Variants in MYO3A observed in about 807,000 individuals in gnomAD.
The protein encoded by MYO3A is myosin IIIA.
A neutral mutation model predicts 192.7 loss-of-function variants in MYO3A; 180 were observed. The ratio of observed to expected loss-of-function variants is 0.93; its 90% CI spans 0.83 to 1.06. The LOEUF (loss-of-function observed/expected upper bound fraction) is 1.06. Among genes scored for constraint, MYO3A ranks in the 50% least tolerant of loss-of-function variants. The probability of loss-of-function intolerance (pLI) is 0.00; values close to 1 mark genes in which losing one functional copy is unlikely to be tolerated. For missense variants in MYO3A, 1,896 were observed against 1,905.0 expected (o/e 1.00, Z 0.09); for synonymous variants, 628 against 645.3 (o/e 0.97, Z 0.41).
chr10:25,940,514 C>A (rs1048644133), intron 2 of MYO3A, among the ~76,000 whole-genome samples: 5 of 152,020 alleles, frequency 3.3e-5, no homozygotes, highest in Admixed American at 6.6e-5. Context: ...ATTATTGTAT[C>A]CTACAATTAT....
rs147188898 is a variant in MYO3A at position 26,099,019 on chromosome 10, T to G, written c.1776+2337T>G. On this transcript the variant is annotated intron_variant, in intron 17 of 34. Coordinates refer to ENST00000642920, the MANE Select transcript of MYO3A (RefSeq NM_017433.5). The stretch of plus-strand genomic sequence containing the variant: ...ACCTTGAGCAATATGGCCATTTTCA[T>G]GATATTGATTCTTCCTATCCATGAG... Among the ~76,000 whole-genome samples, 659 of 152,320 alleles carry G rather than the reference T, an allele frequency of 4.3e-3. 4 individuals are homozygous for G. The highest frequency in any genetic ancestry group is 0.015 in the African/African-American group (628 of 41,566).
chr10:25,977,836 A>G (rs1839052096), intron 4 of MYO3A, among the ~76,000 whole-genome samples: 2 of 152,268 alleles, frequency 1.3e-5, no homozygotes, highest in Non-Finnish European at 1.5e-5. Flanking sequence ...TTTGTCCACC[A>G]TCTCACTTCC....
chr10:25,995,098 AG>A (rs201098452), intron 4 of MYO3A, among the ~76,000 whole-genome samples: 9,712 of 152,256 alleles, frequency 0.064, 396 homozygotes, highest in Non-Finnish European at 0.094. Flanking sequence ...AATATCCTAA[AG>A]AGTGTTTTCC....
intron 17 of MYO3A, among the ~76,000 whole-genome samples, chr10:26,113,832 T>C (rs1371267555): frequency 1.3e-5 from 2 of 152,220 alleles, no homozygotes; most frequent in Non-Finnish European, 2.9e-5. Context: ...AAGGGATAAT[T>C]AATTTCTGAA....
chr10:26,188,971 G>A (rs1842993928), intron 31 of MYO3A, among the ~76,000 whole-genome samples: 1 of 152,100 alleles, frequency 6.6e-6, no homozygotes. Flanking sequence ...GGCAATGTGG[G>A]CTCTTTTTTG....
At chr10:26,121,959 G>A (rs1202517130) in intron 18 of MYO3A, among the ~76,000 whole-genome samples, 4 of 152,292 alleles carry the variant, frequency 2.6e-5, no homozygotes, top group South Asian at 4.1e-4. Flanking sequence ...TAGCACAAGT[G>A]TATGGAATTG....
chr10:26,004,108 G>C (rs961833745), intron 6 of MYO3A, among the ~76,000 whole-genome samples: 5 of 152,158 alleles, frequency 3.3e-5, no homozygotes, highest in African/African-American at 1.2e-4. Context: ...AGCTCAGTAG[G>C]CAGTTTGGAG....
intron 31 of MYO3A, among the ~76,000 whole-genome samples, chr10:26,188,193 G>A (rs561981464): frequency 6.0e-4 from 92 of 152,278 alleles, no homozygotes; most frequent in Non-Finnish European, 8.4e-4. Context: ...TCTAACTGGC[G>A]TGAGGTGGTA....
chr10:25,958,936 A>C (rs1837737290), intron 4 of MYO3A, among the ~76,000 whole-genome samples: 1 of 151,294 alleles, frequency 6.6e-6, no homozygotes, highest in African/African-American at 2.4e-5. Context: ...GGCAATTTTA[A>C]GTGGGATTGT....
chr10:25,956,499 T>C (rs920986815), intron 4 of MYO3A, among the ~76,000 whole-genome samples: 3 of 149,298 alleles, frequency 2.0e-5, no homozygotes, highest in Non-Finnish European at 4.5e-5. Flanking sequence ...AGCTAAATTT[T>C]TTTTTTTTTT....
chr10:26,059,151 T>C (rs1198358639), intron 10 of MYO3A, among the ~76,000 whole-genome samples: 1 of 152,190 alleles, frequency 6.6e-6, no homozygotes, highest in Non-Finnish European at 1.5e-5. Flanking sequence ...GTTTTATTTC[T>C]TTCTTCTCTA....
intron 31 of MYO3A, among the ~76,000 whole-genome samples, chr10:26,182,122 C>G (rs572597842): frequency 4.8e-4 from 73 of 152,306 alleles, no homozygotes; most frequent in African/African-American, 1.7e-3. Context: ...GTCTAGGGTT[C>G]TAGAAGAGTT....
At chr10:26,006,941 T>C (rs1384321672) in intron 6 of MYO3A, among the ~76,000 whole-genome samples, 4 of 149,668 alleles carry the variant, frequency 2.7e-5, no homozygotes, top group Non-Finnish European at 4.4e-5. Flanking sequence ...AAGAGAATTT[T>C]AGACCAATAT....
At chr10:26,194,277 C>T (rs1217015705) in intron 32 of MYO3A, among the ~76,000 whole-genome samples, 1 of 152,166 alleles carries the variant, frequency 6.6e-6, no homozygotes, top group African/African-American at 2.4e-5. Flanking sequence ...CTTTTAATGG[C>T]TCAGCAACTC....
At chr10:26,007,274 C>A (rs1274375105) in intron 6 of MYO3A, among the ~76,000 whole-genome samples, 3 of 150,894 alleles carry the variant, frequency 2.0e-5, no homozygotes, top group Middle Eastern at 6.8e-3. Context: ...CAGCCAATAT[C>A]ATACTGAATG....
At chr10:26,124,906 A>T (rs142300175) in intron 18 of MYO3A, among the ~76,000 whole-genome samples, 51 of 152,306 alleles carry the variant, frequency 3.3e-4, no homozygotes, top group African/African-American at 1.2e-3. Flanking sequence ...GAATGTCAAG[A>T]TAAGTTTGTG....
intron 4 of MYO3A, among the ~76,000 whole-genome samples, chr10:25,957,463 C>CT (rs1173267878): frequency 2.0e-4 from 31 of 152,100 alleles, no homozygotes; most frequent in Non-Finnish European, 7.4e-5. Flanking sequence ...TCGTGTATGT[C>CT]TTTATCAGCA....
At chr10:25,942,725 T>C (rs369337800) in intron 2 of MYO3A, among the ~76,000 whole-genome samples, 1 of 152,190 alleles carries the variant, frequency 6.6e-6, no homozygotes, top group African/African-American at 2.4e-5. Context: ...CATATGCTCA[T>C]TGACCATTTG....
intron 26 of MYO3A, among the ~76,000 whole-genome samples, chr10:26,163,511 C>T (rs1402373930): frequency 4.6e-5 from 7 of 152,002 alleles, no homozygotes; most frequent in African/African-American, 1.5e-4. Context: ...GCAGGCATAG[C>T]GAGAAACAAA....
Sources: gnomAD v4.1 joint callset for allele counts (sites outside exome capture counted in the v4.1 genomes callset) on GRCh38, gnomAD v4.1.1 for gene constraint, MANE v1.5 for transcripts, NCBI Gene and HGNC (gene_info 2026-07-23, HGNC 2026-07-21) for gene names.